The following CDH23 variants were observed in gnomAD, a reference collection of about 807,000 sequenced individuals.
CDH23 encodes the protein cadherin-23.
CDH23 carries 189 observed loss-of-function variants against 317.1 expected under a neutral mutation model. The ratio of observed to expected loss-of-function variants is 0.60; its 90% CI spans 0.53 to 0.67. The LOEUF (loss-of-function observed/expected upper bound fraction) is 0.67. CDH23 is among the 30% of genes least tolerant of loss of function. The probability of loss-of-function intolerance (pLI) is 0.00; values close to 1 mark genes in which losing one functional copy is unlikely to be tolerated. For synonymous variants in CDH23, 1,839 were observed against 1,876.8 expected, an observed-to-expected ratio of 0.98 and a Z score of 0.52; for missense variants, 4,401 against 4,592.4, an observed-to-expected ratio of 0.96 and a Z score of 1.20.
At chr10:71,525,744 G>A (rs1290358632) in intron 6 of CDH23, among the ~76,000 whole-genome samples, 3 of 152,180 alleles carry the variant, frequency 2.0e-5, no homozygotes, top group African/African-American at 2.4e-5. Flanking sequence ...TTCAGCGGGG[G>A]CCTGAGCATC....
rs769433759 is a variant in CDH23, at chr10:71,694,260, G to A, written c.2289+1G>A. ...CAACCAGAAAACTGGCATCGCCACC[G>A]TGAGTGCGCTCCCCTCCCGTGCCCC... On this transcript the variant is annotated splice_donor_variant, in intron 21 of 69. Transcript: ENST00000224721. LOFTEE classifies it high-confidence loss of function. 21 of 1,608,818 alleles carry A rather than the reference G, an allele frequency of 1.3e-5. No homozygotes were observed. Among genetic ancestry groups the A allele is most frequent in the African/African-American group, 2.7e-5 (2 of 74,816 alleles).
intron 11 of CDH23, among the ~76,000 whole-genome samples, chr10:71,618,652 G>A (rs533824807): frequency 1.1e-4 from 16 of 152,098 alleles, no homozygotes; most frequent in Admixed American, 2.0e-4. Context: ...CACCGTCCTC[G>A]GGAGAGCCCT....
chr10:71,521,743 C>T (rs1045249889), intron 6 of CDH23, among the ~76,000 whole-genome samples: 2 of 152,350 alleles, frequency 1.3e-5, no homozygotes, highest in Admixed American at 6.5e-5. Flanking sequence ...TGCTGAGGGC[C>T]GGCCCCGGCT....
At chr10:71,759,898 CATAT>C (rs1365274288) in intron 38 of CDH23, among the ~76,000 whole-genome samples, 19 of 50,700 alleles carry the variant, frequency 3.7e-4, no homozygotes, top group South Asian at 2.1e-3. Flanking sequence ...TACACACACA[CATAT>C]ATACACACAC....
intron 9 of CDH23, among the ~76,000 whole-genome samples, chr10:71,596,479 C>T (rs548567665): frequency 6.6e-6 from 1 of 152,124 alleles, no homozygotes; most frequent in Admixed American, 6.5e-5. Flanking sequence ...ATTTCCATCA[C>T]ACAGATGGGT....
rs143993696 is a variant in CDH23 at position 71,745,771 on chromosome 10, C to T, written c.4845+3850C>T. On this transcript the variant is annotated intron_variant, in intron 38 of 69. Transcript: ENST00000224721. ...GCGTGTATGAGGAAGGAGCATTGTC[C>T]CAGCCCCTCCTAGAGCAACCAGAGA... is the stretch of plus-strand genomic sequence containing the variant. Among the ~76,000 whole-genome samples, 16 of 152,300 alleles carry T rather than the reference C, an allele frequency of 1.1e-4. No individual in the cohort carries two copies. The East Asian group carries it at 2.9e-3, about 28-fold the overall frequency.
At chr10:71,446,751 A>C (rs910341669) in intron 3 of CDH23, among the ~76,000 whole-genome samples, 5 of 152,156 alleles carry the variant, frequency 3.3e-5, no homozygotes, top group African/African-American at 1.2e-4. Context: ...AGTTTTCTGC[A>C]TTGAGTTTGC....
intron 1 of CDH23, among the ~76,000 whole-genome samples, chr10:71,434,001 C>G (rs1849509926): frequency 6.6e-6 from 1 of 152,044 alleles, no homozygotes; most frequent in African/African-American, 2.4e-5. Flanking sequence ...ACAAAGTGTC[C>G]ATGATGGACC....
At chr10:71,667,826 C>T (rs1863978557) in intron 14 of CDH23, among the ~76,000 whole-genome samples, 1 of 152,056 alleles carries the variant, frequency 6.6e-6, no homozygotes, top group Non-Finnish European at 1.5e-5. Flanking sequence ...TAAGATGTTG[C>T]GCTGAGCACC....
intron 3 of CDH23, among the ~76,000 whole-genome samples, chr10:71,476,449 G>A (rs2132103179): frequency 6.6e-6 from 1 of 152,266 alleles, no homozygotes; most frequent in African/African-American, 2.4e-5. Context: ...TGGCTGGGTA[G>A]GAAGCCAAGA....
At chr10:71,768,814 TA>T (rs1332799056) in intron 38 of CDH23, among the ~76,000 whole-genome samples, 1 of 152,254 alleles carries the variant, frequency 6.6e-6, no homozygotes, top group Non-Finnish European at 1.5e-5. Flanking sequence ...TTAGTTTATG[TA>T]ATCCTTCCAC....
At chr10:71,749,245 C>G (rs991749668) in intron 38 of CDH23, 4 of 152,314 alleles carry the variant, frequency 2.6e-5, no homozygotes, top group Non-Finnish European at 5.9e-5. Flanking sequence ...GTGTCCTGTC[C>G]CCACTCCTGC....
intron 8 of CDH23, 119 bp downstream of exon 8, chr10:71,571,037 C>A: frequency 9.0e-7 from 1 of 1,109,598 alleles, no homozygotes; most frequent in East Asian, 2.4e-5. Context: ...TCCGCAGTCC[C>A]TGTGCGTGGC....
intron 3 of CDH23, among the ~76,000 whole-genome samples, chr10:71,475,493 C>T (rs545248982): frequency 3.9e-5 from 6 of 152,324 alleles, no homozygotes; most frequent in Non-Finnish European, 5.9e-5. Context: ...CTCTGAAAAG[C>T]GACCTTCAGG....
intron 14 of CDH23, among the ~76,000 whole-genome samples, chr10:71,650,400 G>A (rs868027738): frequency 6.6e-6 from 1 of 152,214 alleles, no homozygotes; most frequent in Non-Finnish European, 1.5e-5. Flanking sequence ...AAGGATGTGC[G>A]GGGGTGCATA....
intron 12 of CDH23, among the ~76,000 whole-genome samples, chr10:71,645,381 C>T (rs868651590): frequency 8.1e-4 from 123 of 152,224 alleles, no homozygotes; most frequent in African/African-American, 2.7e-3. Context: ...GCATCTGCAT[C>T]CCTTGTGTCC....
intron 9 of CDH23, among the ~76,000 whole-genome samples, chr10:71,581,211 C>T (rs779452061): frequency 8.5e-5 from 13 of 152,238 alleles, no homozygotes; most frequent in Non-Finnish European, 1.5e-4. Flanking sequence ...CCTGAGTGCC[C>T]GGTAGGGGCC....
chr10:71,415,854 T>C (rs1378225427), intron 1 of CDH23, among the ~76,000 whole-genome samples: 1 of 152,270 alleles, frequency 6.6e-6, no homozygotes, highest in African/African-American at 2.4e-5. Flanking sequence ...GATCAAAGAA[T>C]ATACTTTTAC....
chr10:71,815,221 C>T lies in CDH23; in HGVS notation c.10008C>T (p.Pro3336=). The T allele has an allele frequency of 6.2e-7, 1 of 1,600,906 alleles. No individual in the cohort carries two copies. Among genetic ancestry groups the T allele is most frequent in the Non-Finnish European group, 8.5e-7 (1 of 1,170,294 alleles). The change falls in exon 70 of 70, where the codon CCC becomes CCT. Residue 3336 remains proline (P), a synonymous_variant. Coordinates refer to ENST00000224721, the MANE Select transcript of CDH23 (RefSeq NM_022124.6). ...NARTESAKST[P]LHKLRDVIME... ...GCACAGAATCCGCCAAATCCACACC[C>T]CTGCACAAACTTCGCGACGTGATCA... is the stretch of plus-strand genomic sequence containing the variant.
Sources: gnomAD v4.1 joint callset for allele counts (sites outside exome capture counted in the v4.1 genomes callset) on GRCh38, gnomAD v4.1.1 for gene constraint, MANE v1.5 for transcripts, NCBI Gene and HGNC (gene_info 2026-07-23, HGNC 2026-07-21) for gene names.